The following RBPJ variants were observed in gnomAD, a reference collection of about 807,000 sequenced individuals.
RBPJ encodes the protein recombining binding protein suppressor of hairless.
RBPJ carries 9 observed loss-of-function variants against 67.8 expected under a neutral mutation model. The observed-to-expected ratio is 0.13, with a 90% confidence interval of 0.08 to 0.23. The LOEUF is 0.23. RBPJ is among the 10% of genes least tolerant of loss of function. RBPJ has a pLI of 1.00. For missense variants in RBPJ, 305 were observed against 595.6 expected (o/e 0.51, Z 5.08); for synonymous variants, 198 against 203.3 (o/e 0.97, Z 0.22).
chr4:26,369,866 C>T (rs1339317873), intron 1 of RBPJ, among the ~76,000 whole-genome samples: 1 of 152,162 alleles, frequency 6.6e-6, no homozygotes, highest in East Asian at 1.9e-4. Context: ...TTCCAACCTA[C>T]CAGCCCCTTT....
chr4:26,330,922 G>C (rs1465712520), intron 1 of RBPJ, among the ~76,000 whole-genome samples: 1 of 152,098 alleles, frequency 6.6e-6, no homozygotes, highest in Non-Finnish European at 1.5e-5. Context: ...CATCCTGTGT[G>C]ACACGTGTGA....
At chr4:26,163,294 A>G (rs958475924), upstream of RBPJ, among the ~76,000 whole-genome samples, 2 of 152,054 alleles carry the variant, frequency 1.3e-5, no homozygotes, top group Non-Finnish European at 2.9e-5. Context: ...AGGATAAGCC[A>G]AGGAAAAAGA....
the RBPJ span, among the ~76,000 whole-genome samples, chr4:26,157,154 G>A: frequency 6.6e-6 from 1 of 151,660 alleles, no homozygotes; most frequent in Non-Finnish European, 1.5e-5. Context: ...ATCCAGCAGG[G>A]TGAGGTGGCT....
chr4:26,160,147 T>C (rs980916652), upstream of RBPJ, among the ~76,000 whole-genome samples: 3 of 152,120 alleles, frequency 2.0e-5, no homozygotes, highest in South Asian at 2.1e-4. Context: ...CTCGATCTCC[T>C]GATCTCGTGA....
chr4:26,369,364 A>G (rs1728935493), intron 1 of RBPJ, among the ~76,000 whole-genome samples: 1 of 152,184 alleles, frequency 6.6e-6, no homozygotes, highest in Admixed American at 6.5e-5. Context: ...CGCTTACAAG[A>G]TTTCCCTTAC....
chr4:26,332,397 C>T (rs1237176455), intron 1 of RBPJ, among the ~76,000 whole-genome samples: 1 of 152,138 alleles, frequency 6.6e-6, no homozygotes. Flanking sequence ...TGGAAATTGT[C>T]AGTTGCTTAA....
the RBPJ span, among the ~76,000 whole-genome samples, chr4:26,111,092 C>T: frequency 1.9e-4 from 29 of 152,192 alleles, no homozygotes; most frequent in Non-Finnish European, 4.4e-5. Context: ...TCTAGGCTGG[C>T]TTCCTTCCAG....
At chr4:26,405,112 T>C (rs1733260244) in intron 2 of RBPJ, among the ~76,000 whole-genome samples, 1 of 152,200 alleles carries the variant, frequency 6.6e-6, no homozygotes, top group Admixed American at 6.5e-5. Flanking sequence ...TATTAGGTTA[T>C]CTCCTTTAAT....
rs1163183052 is a variant in RBPJ, at chr4:26,354,364, T to C, written c.21-31989T>C. ...TTTACTAGAAGGCAGGATTTTTGTT[T>C]CACCATCAAATATAGATCACAAGGA... On this transcript the variant is annotated intron_variant, in intron 1 of 10. Coordinates refer to ENST00000355476, the MANE Select transcript of RBPJ (RefSeq NM_015874.6). Among the ~76,000 whole-genome samples the C allele has an allele frequency of 5.9e-5, 9 of 152,254 alleles. No individual in the cohort carries two copies. The East Asian group carries it at 1.7e-3, about 29-fold the overall frequency.
chr4:26,151,627 C>A, the RBPJ span, among the ~76,000 whole-genome samples: 1 of 152,212 alleles, frequency 6.6e-6, no homozygotes, highest in Non-Finnish European at 1.5e-5. Flanking sequence ...AATTGAGGCA[C>A]AGAGCTGCAA....
intron 3 of RBPJ, among the ~76,000 whole-genome samples, chr4:26,409,772 A>C (rs1366138366): frequency 6.6e-6 from 1 of 152,150 alleles, no homozygotes; most frequent in African/African-American, 2.4e-5. Context: ...TGCTGGGATT[A>C]CGGGCGTGAG....
chr4:26,184,959 T>A (rs1049766268), intron 1 of RBPJ, among the ~76,000 whole-genome samples: 5 of 152,178 alleles, frequency 3.3e-5, no homozygotes, highest in Admixed American at 2.6e-4. Flanking sequence ...CTGGCCAACA[T>A]GGCAAAGCCC....
chr4:26,219,785 T>G (rs1024617271), intron 1 of RBPJ, among the ~76,000 whole-genome samples: 2 of 148,830 alleles, frequency 1.3e-5, no homozygotes, highest in South Asian at 2.1e-4. Context: ...GTTGTTGTTG[T>G]TTTTTTTTGA....
intron 1 of RBPJ, among the ~76,000 whole-genome samples, chr4:26,247,313 C>T (rs1719959981): frequency 6.6e-6 from 1 of 151,884 alleles, no homozygotes; most frequent in South Asian, 2.1e-4. Context: ...GTATGTGTCT[C>T]CATTTATTCA....
chr4:26,187,556 A>G (rs959584375), intron 1 of RBPJ, among the ~76,000 whole-genome samples: 1 of 152,240 alleles, frequency 6.6e-6, no homozygotes, highest in Non-Finnish European at 1.5e-5. Context: ...TATAATATTT[A>G]AAGTAATTTT....
At chr4:26,190,931 A>T (rs1021346567) in intron 1 of RBPJ, among the ~76,000 whole-genome samples, 5 of 151,612 alleles carry the variant, frequency 3.3e-5, no homozygotes, top group Non-Finnish European at 7.4e-5. Context: ...GGATCACTTG[A>T]GCTCAGGAGT....
At chr4:26,143,162 T>C in the RBPJ span, among the ~76,000 whole-genome samples, 4 of 152,206 alleles carry the variant, frequency 2.6e-5, no homozygotes, top group African/African-American at 4.8e-5. Flanking sequence ...CATAGATGCA[T>C]GTTAATCCAA....
At chr4:26,203,166 T>G (rs762645570) in intron 1 of RBPJ, among the ~76,000 whole-genome samples, 1 of 152,224 alleles carries the variant, frequency 6.6e-6, no homozygotes, top group South Asian at 2.1e-4. Flanking sequence ...AGTCTTTACA[T>G]AGTAGCCAGA....
chr4:26,302,548 C>G (rs556600824), intron 1 of RBPJ, among the ~76,000 whole-genome samples: 1 of 152,280 alleles, frequency 6.6e-6, no homozygotes, highest in Admixed American at 6.5e-5. Flanking sequence ...GCGTTGGGGT[C>G]CTAATTCACA....
Sources: allele counts gnomAD v4.1 joint callset (sites outside exome capture counted in the v4.1 genomes callset), GRCh38; gene constraint gnomAD v4.1.1; transcripts MANE v1.5; gene names NCBI Gene and HGNC (gene_info 2026-07-23, HGNC 2026-07-21).